Variants in RAB31 observed in about 807,000 individuals in gnomAD.
RAB31 encodes the protein ras-related protein Rab-31.
In RAB31, 21 loss-of-function variants were observed where a neutral mutation model predicts 25.6. The ratio of observed to expected loss-of-function variants is 0.82; its 90% CI spans 0.58 to 1.18. RAB31 has a LOEUF of 1.18. RAB31 is among the 50% of genes most tolerant of loss of function. The pLI is 0.00. For synonymous variants in RAB31, 87 were observed against 84.0 expected, an observed-to-expected ratio of 1.04 and a Z score of -0.20; for missense variants, 196 against 250.1, an observed-to-expected ratio of 0.78 and a Z score of 1.46.
chr18:9,754,720 C>CTATA lies in RAB31; in HGVS notation c.40-20557_40-20554dup, dbSNP rs1181529889. Among the ~76,000 whole-genome samples, 6 of 152,248 alleles carry CTATA rather than the reference C, an allele frequency of 3.9e-5. No individual in the cohort carries two copies. The East Asian group carries it at 9.6e-4, about 24-fold the overall frequency. On this transcript the variant is annotated intron_variant, in intron 1 of 6. Coordinates refer to ENST00000578921, the MANE Select transcript of RAB31 (RefSeq NM_006868.4). ...GATGTGCATGGGTTATATGCAAATA[C>CTATA]TATAACATTTTATATCAGGACTTGA...
chr18:9,833,789 A>G (rs1000565650), intron 5 of RAB31, among the ~76,000 whole-genome samples: 1 of 152,244 alleles, frequency 6.6e-6, no homozygotes, highest in African/African-American at 2.4e-5. Context: ...AGCTGTTATT[A>G]GAAAATAGTA....
intron 6 of RAB31, among the ~76,000 whole-genome samples, chr18:9,852,531 A>G (rs2068794295): frequency 6.6e-6 from 1 of 150,694 alleles, no homozygotes; most frequent in African/African-American, 2.4e-5. Flanking sequence ...CAATTTGTTT[A>G]TCCAAGAAAT....
intron 1 of RAB31, among the ~76,000 whole-genome samples, chr18:9,737,328 C>T (rs2068155917): frequency 6.6e-6 from 1 of 152,184 alleles, no homozygotes; most frequent in African/African-American, 2.4e-5. Context: ...CACACCCCCA[C>T]ACCCACACAC....
intron 1 of RAB31, among the ~76,000 whole-genome samples, chr18:9,716,160 T>C (rs1365201837): frequency 6.6e-6 from 1 of 152,184 alleles, no homozygotes; most frequent in Non-Finnish European, 1.5e-5. Context: ...CCCTTCTTTT[T>C]TCCCCATGAC....
chr18:9,752,102 C>CAT (rs199618510), intron 1 of RAB31, among the ~76,000 whole-genome samples: 1,561 of 152,334 alleles, frequency 0.01, 12 homozygotes, highest in Middle Eastern at 0.044. Context: ...AGCCTCTACT[C>CAT]ATACAGCTTT....
intron 4 of RAB31, 63 bp from the exon 5 acceptor site, chr18:9,815,041 GGGCTTGTATTTC>G: frequency 9.3e-7 from 1 of 1,070,034 alleles, no homozygotes; most frequent in South Asian, 1.4e-5. Context: ...AAATTGTACT[GGGCTTGTATTTC>G]TGCTTAGTTG....
At chr18:9,794,857 T>C (rs2068479056) in intron 3 of RAB31, among the ~76,000 whole-genome samples, 1 of 151,396 alleles carries the variant, frequency 6.6e-6, no homozygotes, top group Non-Finnish European at 1.5e-5. Flanking sequence ...AAAAAGCAAC[T>C]ACCATCATTC....
At chr18:9,831,930 G>A (rs900492697) in intron 5 of RAB31, among the ~76,000 whole-genome samples, 2 of 152,214 alleles carry the variant, frequency 1.3e-5, no homozygotes, top group Non-Finnish European at 2.9e-5. Context: ...GGCAAGTGGA[G>A]GCAGAGCTGT....
In RAB31 at chr18:9,828,768, G is replaced by A. The variant is rs574208094; in HGVS notation, c.380+13546G>A. Among the ~76,000 whole-genome samples, 11 of 152,236 alleles carry A rather than the reference G, an allele frequency of 7.2e-5. No individual in the cohort carries two copies. In the East Asian group the frequency reaches 1.5e-3, roughly 21 times the overall value. The stretch of plus-strand genomic sequence containing the variant: ...CCAAATAACAGAATTTGAAATGCTG[G>A]ACCTTAAAAATCCAATTTATTCCAA... On this transcript the variant is annotated intron_variant, in intron 5 of 6. Coordinates refer to ENST00000578921, the MANE Select transcript of RAB31 (RefSeq NM_006868.4).
chr18:9,830,010 T>C (rs2068669441), intron 5 of RAB31, among the ~76,000 whole-genome samples: 1 of 150,790 alleles, frequency 6.6e-6, no homozygotes, highest in Non-Finnish European at 1.5e-5. Context: ...TAAAAAATAT[T>C]ATTATTATTA....
At chr18:9,784,442 T>C (rs2068421654) in intron 2 of RAB31, among the ~76,000 whole-genome samples, 1 of 152,156 alleles carries the variant, frequency 6.6e-6, no homozygotes, top group Admixed American at 6.6e-5. Flanking sequence ...GAACAATAGA[T>C]AACCAAAATG....
intron 3 of RAB31, among the ~76,000 whole-genome samples, chr18:9,808,901 C>A (rs931199168): frequency 7.9e-5 from 12 of 152,202 alleles, no homozygotes; most frequent in Admixed American, 5.2e-4. Flanking sequence ...ACTGCTCATT[C>A]CCAACTTGCA....
At chr18:9,744,309 T>C (rs959441419) in intron 1 of RAB31, among the ~76,000 whole-genome samples, 1 of 152,230 alleles carries the variant, frequency 6.6e-6, no homozygotes, top group Non-Finnish European at 1.5e-5. Context: ...TGCAAAAATG[T>C]CTGTTAGCAT....
At chr18:9,712,734 ACTTAAAAACTGCG>A (rs2068024069) in intron 1 of RAB31, among the ~76,000 whole-genome samples, 4 of 1,048 alleles carry the variant, frequency 3.8e-3, no homozygotes, top group East Asian at 0.083. Context: ...GTGTGCGTGC[ACTTAAAAACTGCG>A]TGCACTTAAA....
chr18:9,848,374 A>C (rs575420), intron 6 of RAB31, among the ~76,000 whole-genome samples: 89,171 of 151,776 alleles, frequency 0.59, 26,164 homozygotes, highest in South Asian at 0.72. Flanking sequence ...TCATCTGTAC[A>C]TCTGTCTGTC....
At chr18:9,718,653 T>C (rs539658775) in intron 1 of RAB31, among the ~76,000 whole-genome samples, 94 of 152,342 alleles carry the variant, frequency 6.2e-4, no homozygotes, top group African/African-American at 2.1e-3. Flanking sequence ...TAAAGCACCA[T>C]AGACTGGGGG....
chr18:9,786,125 A>T (rs958532136), intron 2 of RAB31, among the ~76,000 whole-genome samples: 1 of 150,704 alleles, frequency 6.6e-6, no homozygotes, highest in Non-Finnish European at 1.5e-5. Context: ...AGCCTCTGTC[A>T]AAAAAAGGAA....
At chr18:9,791,598 T>C (rs997666627) in intron 2 of RAB31, among the ~76,000 whole-genome samples, 2 of 151,738 alleles carry the variant, frequency 1.3e-5, no homozygotes, top group African/African-American at 4.8e-5. Flanking sequence ...TTTATTATCA[T>C]ATACATATTT....
intron 1 of RAB31, among the ~76,000 whole-genome samples, chr18:9,713,892 C>T (rs1163068939): frequency 3.3e-5 from 5 of 152,170 alleles, no homozygotes; most frequent in African/African-American, 1.2e-4. Context: ...CGGTCTCTTT[C>T]TCTTCTTATA....
Sources: gnomAD v4.1 joint callset for allele counts (sites outside exome capture counted in the v4.1 genomes callset) on GRCh38, gnomAD v4.1.1 for gene constraint, MANE v1.5 for transcripts, NCBI Gene and HGNC (gene_info 2026-07-23, HGNC 2026-07-21) for gene names.